The following BRINP2 variants were observed in gnomAD, a reference collection of about 807,000 sequenced individuals.
BRINP2 encodes BMP/retinoic acid-inducible neural-specific protein 2.
In BRINP2, 21 loss-of-function variants were observed where a neutral mutation model predicts 69.2. The observed-to-expected ratio is 0.30, with a 90% CI of 0.22 to 0.44. BRINP2 has a LOEUF of 0.44. Among genes scored for constraint, BRINP2 ranks in the 20% least tolerant of loss-of-function variants. The pLI, the probability that BRINP2 is intolerant of heterozygous loss-of-function variation, is 1.00. For missense variants in BRINP2, 877 were observed against 986.0 expected (o/e 0.89, Z 1.48); for synonymous variants, 380 against 394.1 (o/e 0.96, Z 0.42).
At chr1:177,233,689 TGG>T (rs1431415971) in intron 2 of BRINP2, among the ~76,000 whole-genome samples, 1 of 152,080 alleles carries the variant, frequency 6.6e-6, no homozygotes, top group Non-Finnish European at 1.5e-5. Flanking sequence ...GGATCTTCTC[TGG>T]GGCACACTCT....
At chr1:177,262,183 G>C (rs1650974903) in intron 4 of BRINP2, among the ~76,000 whole-genome samples, 1 of 152,176 alleles carries the variant, frequency 6.6e-6, no homozygotes, top group Non-Finnish European at 1.5e-5. Flanking sequence ...TTGTTTTTAA[G>C]ATGGGAGCTG....
intron 1 of BRINP2, among the ~76,000 whole-genome samples, chr1:177,186,953 G>T (rs1304452789): frequency 6.6e-6 from 1 of 152,140 alleles, no homozygotes; most frequent in Non-Finnish European, 1.5e-5. Context: ...CTTGGCCTGA[G>T]GTTACACAAG....
intron 1 of BRINP2, among the ~76,000 whole-genome samples, chr1:177,190,519 A>T (rs1354102079): frequency 2.0e-5 from 3 of 151,960 alleles, no homozygotes; most frequent in Non-Finnish European, 4.4e-5. Context: ...CCCACATACC[A>T]TCTGTTGAGG....
intron 2 of BRINP2, among the ~76,000 whole-genome samples, chr1:177,233,876 T>C (rs1649936636): frequency 6.6e-6 from 1 of 152,152 alleles, no homozygotes; most frequent in Non-Finnish European, 1.5e-5. Flanking sequence ...ATGAAAAGCA[T>C]AGTCTTAGGA....
chr1:177,238,371 T>A (rs1307730323), intron 2 of BRINP2, among the ~76,000 whole-genome samples: 1 of 152,244 alleles, frequency 6.6e-6, no homozygotes, highest in Non-Finnish European at 1.5e-5. Flanking sequence ...AGTCCTACAA[T>A]CCTGCCTTTG....
At chr1:177,239,267 C>T (rs772263686) in intron 2 of BRINP2, among the ~76,000 whole-genome samples, 47 of 152,292 alleles carry the variant, frequency 3.1e-4, no homozygotes, top group African/African-American at 7.7e-4. Flanking sequence ...GCTTAGGCTC[C>T]GGGGAACCCT....
chr1:177,250,779 T>G (rs1482481881), intron 2 of BRINP2, among the ~76,000 whole-genome samples: 3 of 152,160 alleles, frequency 2.0e-5, no homozygotes, highest in African/African-American at 7.2e-5. Context: ...GTTTCACAGG[T>G]GGAGGTAGTA....
intron 2 of BRINP2, among the ~76,000 whole-genome samples, chr1:177,231,783 G>A (rs913097596): frequency 7.9e-5 from 12 of 152,174 alleles, no homozygotes; most frequent in Non-Finnish European, 1.2e-4. Flanking sequence ...TAGCATCACC[G>A]AAGCAGAGAG....
intron 1 of BRINP2, among the ~76,000 whole-genome samples, chr1:177,194,851 T>C (rs912282628): frequency 6.6e-6 from 1 of 152,144 alleles, no homozygotes; most frequent in Non-Finnish European, 1.5e-5. Flanking sequence ...CTGGTCCCCT[T>C]AAGACGCTCT....
intron 2 of BRINP2, among the ~76,000 whole-genome samples, chr1:177,234,652 T>C (rs1649963620): frequency 6.6e-6 from 1 of 151,838 alleles, no homozygotes; most frequent in African/African-American, 2.4e-5. Context: ...GAACGATGAG[T>C]GGTTGGGAGG....
intron 2 of BRINP2, among the ~76,000 whole-genome samples, chr1:177,248,861 G>A (rs1257765835): frequency 6.6e-6 from 1 of 152,182 alleles, no homozygotes; most frequent in Non-Finnish European, 1.5e-5. Context: ...TAGCCATTTA[G>A]TATTCTCATC....
intron 2 of BRINP2, among the ~76,000 whole-genome samples, 155 bp downstream of exon 2, chr1:177,230,300 C>A (rs749280679): frequency 6.6e-6 from 1 of 152,072 alleles, no homozygotes; most frequent in African/African-American, 2.4e-5. Flanking sequence ...GGAAAATAAG[C>A]CTACCATGTT....
Position 177,188,106 on chromosome 1 carries a change from A to G in BRINP2, c.-77+16374A>G, listed in dbSNP as rs192522427. 4.0e-5 allele frequency among the ~76,000 whole-genome samples: 6 copies of G among 150,344 alleles called. No individual in the cohort carries two copies. The East Asian group carries it at 1.2e-3, about 30-fold the overall frequency. ...CTGGCTCATAATTGCTTGATAAATA[A>G]CAACTATCATTCTTGCTGTTATTAT... On this transcript the variant is annotated intron_variant, in intron 1 of 7. Coordinates refer to ENST00000361539, the MANE Select transcript of BRINP2 (RefSeq NM_021165.4).
chr1:177,216,468 CTG>C (rs1321433664), intron 1 of BRINP2, among the ~76,000 whole-genome samples: 1 of 152,052 alleles, frequency 6.6e-6, no homozygotes, highest in Admixed American at 6.5e-5. Context: ...ATTTCAGTAA[CTG>C]TTGTTATTAA....
At chr1:177,269,590 G>T (rs780476117) in intron 4 of BRINP2, among the ~76,000 whole-genome samples, 1 of 152,194 alleles carries the variant, frequency 6.6e-6, no homozygotes, top group Admixed American at 6.5e-5. Flanking sequence ...GCAGCAGCCT[G>T]GGATTCAATT....
At chr1:177,183,895 G>C (rs1185564221) in intron 1 of BRINP2, among the ~76,000 whole-genome samples, 1 of 152,200 alleles carries the variant, frequency 6.6e-6, no homozygotes, top group Non-Finnish European at 1.5e-5. Flanking sequence ...ATTACTGCTA[G>C]ATAGGGAAAA....
chr1:177,232,488 G>C (rs1649888459), intron 2 of BRINP2, among the ~76,000 whole-genome samples: 1 of 152,182 alleles, frequency 6.6e-6, no homozygotes, highest in Admixed American at 6.5e-5. Flanking sequence ...ATTCTGATTT[G>C]TGACCTTTTG....
intron 1 of BRINP2, among the ~76,000 whole-genome samples, chr1:177,180,702 C>T (rs1266302552): frequency 6.6e-6 from 1 of 152,120 alleles, no homozygotes; most frequent in Non-Finnish European, 1.5e-5. Flanking sequence ...CTTCTCTTTC[C>T]TCACCCACAA....
At chr1:177,215,287 A>C (rs1649343122) in intron 1 of BRINP2, among the ~76,000 whole-genome samples, 1 of 152,222 alleles carries the variant, frequency 6.6e-6, no homozygotes, top group Non-Finnish European at 1.5e-5. Flanking sequence ...ATATCTATGA[A>C]AAATGACATT....
Sources: allele counts gnomAD v4.1 joint callset (sites outside exome capture counted in the v4.1 genomes callset), GRCh38; gene constraint gnomAD v4.1.1; transcripts MANE v1.5; gene names NCBI Gene and HGNC (gene_info 2026-07-23, HGNC 2026-07-21).